MAGI1: variants seen among roughly 807,000 people sequenced by gnomAD.
MAGI1 encodes membrane associated guanylate kinase, WW and PDZ domain containing 1, also known as membrane-associated guanylate kinase, WW and PDZ domain-containing protein 1.
MAGI1 carries 58 observed loss-of-function variants against 139.9 expected under a neutral mutation model. That is an observed-to-expected ratio of 0.41 (90% CI 0.34 to 0.52). The LOEUF is 0.52. Ranked by LOEUF, MAGI1 falls within the 20% of genes least tolerant of loss-of-function variation. MAGI1 has a pLI of 0.12. For missense variants in MAGI1, 1,874 were observed against 1,901.6 expected, an observed-to-expected ratio of 0.99 and a Z score of 0.27; for synonymous variants, 812 against 737.9, an observed-to-expected ratio of 1.10 and a Z score of -1.63.
chr3:65,975,309 T>A (rs1265376932), intron 1 of MAGI1, among the ~76,000 whole-genome samples: 2 of 152,176 alleles, frequency 1.3e-5, no homozygotes, highest in Non-Finnish European at 2.9e-5. Flanking sequence ...CAGGCCAAAC[T>A]TAAAGGAAAA....
intron 1 of MAGI1, among the ~76,000 whole-genome samples, chr3:65,732,555 G>A (rs1474788219): frequency 6.6e-6 from 1 of 152,184 alleles, no homozygotes; most frequent in Admixed American, 6.5e-5. Flanking sequence ...CAGTAAAGAA[G>A]AAAGACTGCT....
intron 12 of MAGI1, among the ~76,000 whole-genome samples, chr3:65,413,524 T>C (rs911767906): frequency 6.6e-6 from 1 of 152,170 alleles, no homozygotes; most frequent in Non-Finnish European, 1.5e-5. Context: ...CATGGAGATA[T>C]TAAATGTCTT....
At chr3:65,732,039 A>G (rs13319304) in intron 1 of MAGI1, among the ~76,000 whole-genome samples, 43,156 of 152,144 alleles carry the variant, frequency 0.28, 7,728 homozygotes, top group African/African-American at 0.51. Flanking sequence ...TCCCCTTTAA[A>G]TTATATAGCT....
chr3:65,736,798 A>C (rs2107760489), intron 1 of MAGI1, among the ~76,000 whole-genome samples: 1 of 152,232 alleles, frequency 6.6e-6, no homozygotes, highest in Admixed American at 6.5e-5. Context: ...TCAAATGCAA[A>C]CCTCTTCCAG....
At chr3:65,734,570 G>GGAGAGAGAGAGAGAGAGAGGGA (rs143441869) in intron 1 of MAGI1, among the ~76,000 whole-genome samples, 1 of 145,942 alleles carries the variant, frequency 6.9e-6, no homozygotes, top group African/African-American at 2.5e-5. Flanking sequence ...AGAGAGAGAG[G>GGAGAGAGAGAGAGAGAGAGGGA]GAGAGAGAGA....
intron 1 of MAGI1, among the ~76,000 whole-genome samples, chr3:65,821,787 T>C (rs1575608695): frequency 6.6e-6 from 1 of 152,134 alleles, no homozygotes; most frequent in Non-Finnish European, 1.5e-5. Flanking sequence ...TATTCAGATG[T>C]GGGCAAAATT....
chr3:65,359,262 T>G, intron 22 of MAGI1: 1 of 1,536,806 alleles, frequency 6.5e-7, no homozygotes, highest in East Asian at 2.3e-5. Context: ...AGAAAAAAAA[T>G]CTACATTTGT....
chr3:65,949,321 T>C (rs906820617), intron 1 of MAGI1, among the ~76,000 whole-genome samples: 6 of 152,210 alleles, frequency 3.9e-5, no homozygotes, highest in East Asian at 3.9e-4. Context: ...TAAAGGTCAA[T>C]TGCTATTTCT....
intron 1 of MAGI1, among the ~76,000 whole-genome samples, chr3:65,933,326 C>G (rs2062890316): frequency 2.0e-5 from 3 of 152,210 alleles, no homozygotes; most frequent in Non-Finnish European, 2.9e-5. Context: ...CTGCACTCAT[C>G]TGAAGGCTTG....
chr3:65,571,885 G>A (rs1009979223), intron 2 of MAGI1, among the ~76,000 whole-genome samples: 1 of 152,028 alleles, frequency 6.6e-6, no homozygotes, highest in Non-Finnish European at 1.5e-5. Context: ...CACAAAATTA[G>A]GCACCAAATG....
In MAGI1 at chr3:65,381,761, A is replaced by T. The variant is rs1361305422; in HGVS notation, c.2701+116T>A. 4 of 958,504 alleles carry T rather than the reference A, an allele frequency of 4.2e-6. No individual in the cohort carries two copies. The East Asian group carries it at 1.1e-4, about 25-fold the overall frequency. The allele number at this position is 958,504 out of a possible 1,614,324, so 59.4% of individuals were successfully genotyped here. A position where few individuals can be genotyped will look rare whatever the true frequency, so the allele number is the denominator to read the frequency against. The stretch of plus-strand genomic sequence containing the variant: ...AAGCCATCTGGAAATTCTGAGCTTG[A>T]TCACATTTGCAAACATTTGCTAAAA... On this transcript the variant is annotated intron_variant, in intron 16 of 22. Coordinates refer to ENST00000402939, the MANE Select transcript of MAGI1 (RefSeq NM_001033057.2).
chr3:65,775,501 CCAAA>C (rs1417928838), intron 1 of MAGI1, among the ~76,000 whole-genome samples: 4 of 29,546 alleles, frequency 1.4e-4, no homozygotes, highest in African/African-American at 3.6e-4. Context: ...ACCCACTCTG[CCAAA>C]AAAAAAAAAA....
intron 2 of MAGI1, among the ~76,000 whole-genome samples, chr3:65,591,852 G>C (rs572241087): frequency 6.6e-6 from 1 of 152,178 alleles, no homozygotes; most frequent in South Asian, 2.1e-4. Context: ...ATGCATTCAG[G>C]TTTGTGCTTA....
At chr3:65,901,759 G>C (rs1168286690) in intron 1 of MAGI1, among the ~76,000 whole-genome samples, 6 of 152,100 alleles carry the variant, frequency 3.9e-5, no homozygotes, top group African/African-American at 1.4e-4. Context: ...TAATTCTACT[G>C]TTCTCATTTC....
chr3:65,678,316 A>G (rs961489730), intron 1 of MAGI1, among the ~76,000 whole-genome samples: 1 of 150,084 alleles, frequency 6.7e-6, no homozygotes, highest in African/African-American at 2.5e-5. Flanking sequence ...AACTTAAAGT[A>G]TAATGATAAA....
intron 1 of MAGI1, among the ~76,000 whole-genome samples, chr3:66,015,220 A>G (rs1051852411): frequency 6.6e-6 from 1 of 151,994 alleles, no homozygotes; most frequent in African/African-American, 2.4e-5. Context: ...AAATAGAAAT[A>G]CAAAGACATA....
chr3:65,744,827 T>TCTTAA lies in MAGI1; in HGVS notation c.314-122744_314-122740dup, dbSNP rs1203043013. ...AACATATATAAAACGAAATTTGCCA[T>TCTTAA]CTTAACCATTCTTAAGTATGTAATT... On this transcript the variant is annotated intron_variant, in intron 1 of 22. Transcript: ENST00000402939. 1.2e-4 allele frequency among the ~76,000 whole-genome samples: 19 copies of TCTTAA among 152,166 alleles called. 1 individual carries two copies. The highest frequency in any genetic ancestry group is 4.6e-4 in the African/African-American group (19 of 41,444).
chr3:65,997,829 C>T (rs1184076973), intron 1 of MAGI1, among the ~76,000 whole-genome samples: 2 of 152,114 alleles, frequency 1.3e-5, no homozygotes, highest in Non-Finnish European at 2.9e-5. Context: ...AGAGCAAGGA[C>T]TGTTCGCCAA....
chr3:65,606,166 C>CA (rs562662484), intron 2 of MAGI1, among the ~76,000 whole-genome samples: 1 of 152,216 alleles, frequency 6.6e-6, no homozygotes, highest in South Asian at 2.1e-4. Flanking sequence ...TTATAAATTG[C>CA]AAAACCTCGG....
Sources: gnomAD v4.1 joint callset for allele counts (sites outside exome capture counted in the v4.1 genomes callset) on GRCh38, gnomAD v4.1.1 for gene constraint, MANE v1.5 for transcripts, NCBI Gene and HGNC (gene_info 2026-07-23, HGNC 2026-07-21) for gene names.